RBFOX1: variants seen among roughly 807,000 people sequenced by gnomAD.
The protein encoded by RBFOX1 is RNA binding fox-1 homolog 1.
In RBFOX1, 8 loss-of-function variants were observed where a neutral mutation model predicts 57.7. The observed-to-expected ratio is 0.14, with a 90% CI of 0.08 to 0.25. RBFOX1 has a LOEUF of 0.25. Among genes scored for constraint, RBFOX1 ranks in the 10% least tolerant of loss-of-function variants. The pLI, the probability that RBFOX1 is intolerant of heterozygous loss-of-function variation, is 1.00. For missense variants in RBFOX1, 611 were observed against 548.5 expected (o/e 1.11, Z -1.14); for synonymous variants, 326 against 222.4 (o/e 1.47, Z -4.15).
rs150524550 is a variant in RBFOX1, at chr16:6,812,115, A to C, written c.-16+157465A>C. 7.5e-4 allele frequency among the ~76,000 whole-genome samples: 114 copies of C among 152,200 alleles called. 1 individual carries two copies. Among genetic ancestry groups the C allele is most frequent in the Non-Finnish European group, 1.2e-3 (82 of 68,014 alleles). On this transcript the variant is annotated intron_variant, in intron 3 of 15. Coordinates refer to ENST00000550418, the MANE Select transcript of RBFOX1 (RefSeq NM_018723.4). ...TATGATGAAGAAGCCTTCACGAGAA[A>C]CTCACTACCAAAGCAAAATCGTTTT...
At chr16:5,295,250 A>G (rs1439491565) in intron 1 of RBFOX1, among the ~76,000 whole-genome samples, 1 of 151,970 alleles carries the variant, frequency 6.6e-6, no homozygotes, top group African/African-American at 2.4e-5. Flanking sequence ...CCCTGGGGAG[A>G]CTGAGACCAG....
At chr16:5,618,589 G>A (rs940568250) in intron 3 of RBFOX1, among the ~76,000 whole-genome samples, 4 of 152,064 alleles carry the variant, frequency 2.6e-5, no homozygotes, top group Admixed American at 6.5e-5. Flanking sequence ...TGCCTGCCTC[G>A]GCCTCCCAAA....
intron 4 of RBFOX1, among the ~76,000 whole-genome samples, chr16:7,125,776 C>T (rs553071229): frequency 2.2e-4 from 34 of 151,950 alleles, no homozygotes; most frequent in African/African-American, 6.0e-4. Flanking sequence ...TGACTGCAAA[C>T]GATTAAGGTT....
intron 2 of RBFOX1, among the ~76,000 whole-genome samples, chr16:6,454,705 C>T (rs537554194): frequency 6.6e-6 from 1 of 152,030 alleles, no homozygotes; most frequent in Non-Finnish European, 1.5e-5. Flanking sequence ...GATAGAGTGA[C>T]CTTAGGAAAA....
At chr16:6,907,005 T>C (rs895521923) in intron 3 of RBFOX1, among the ~76,000 whole-genome samples, 7 of 152,190 alleles carry the variant, frequency 4.6e-5, no homozygotes, top group African/African-American at 1.7e-4. Context: ...ATTACAGGCA[T>C]GAGCCACCGC....
chr16:6,830,479 C>T (rs1567452583), intron 3 of RBFOX1, among the ~76,000 whole-genome samples: 1 of 152,102 alleles, frequency 6.6e-6, no homozygotes, highest in Non-Finnish European at 1.5e-5. Context: ...AGGATAAAAG[C>T]ATCCTCTATG....
intron 3 of RBFOX1, among the ~76,000 whole-genome samples, chr16:6,971,770 T>G (rs906665700): frequency 4.0e-5 from 6 of 151,698 alleles, no homozygotes; most frequent in Non-Finnish European, 7.4e-5. Context: ...TTAAGTGGAG[T>G]GTCCACAGTC....
At chr16:7,668,451 C>T (rs2070182036) in intron 13 of RBFOX1, among the ~76,000 whole-genome samples, 1 of 152,094 alleles carries the variant, frequency 6.6e-6, no homozygotes, top group Non-Finnish European at 1.5e-5. Context: ...GGGAAAAAAC[C>T]AGGACAGCTC....
intron 2 of RBFOX1, among the ~76,000 whole-genome samples, chr16:6,596,086 T>G (rs2097774178): frequency 6.6e-6 from 1 of 152,086 alleles, no homozygotes; most frequent in Admixed American, 6.5e-5. Context: ...CCTTTTTACT[T>G]CTTATATGGG....
intron 1 of RBFOX1, among the ~76,000 whole-genome samples, chr16:6,294,319 T>G (rs550372539): frequency 6.6e-6 from 1 of 152,366 alleles, no homozygotes; most frequent in African/African-American, 2.4e-5. Context: ...CTTATTAGAC[T>G]TGGAGACACA....
At chr16:6,256,870 G>A (rs145567993) in intron 1 of RBFOX1, among the ~76,000 whole-genome samples, 63 of 152,176 alleles carry the variant, frequency 4.1e-4, no homozygotes, top group African/African-American at 1.4e-3. Context: ...TGGATAGAAG[G>A]CATATGAAAC....
At chr16:6,585,912 A>G (rs1396548231) in intron 2 of RBFOX1, among the ~76,000 whole-genome samples, 1 of 152,230 alleles carries the variant, frequency 6.6e-6, no homozygotes, top group East Asian at 1.9e-4. Flanking sequence ...TAGAGATCAT[A>G]CGCAATTATT....
intron 4 of RBFOX1, among the ~76,000 whole-genome samples, chr16:7,294,312 C>G (rs925351524): frequency 6.6e-6 from 1 of 152,108 alleles, no homozygotes; most frequent in African/African-American, 2.4e-5. Flanking sequence ...AACGCTGCAC[C>G]TTGTCTTTGC....
At chr16:6,309,277 G>T (rs1356897844) in intron 1 of RBFOX1, among the ~76,000 whole-genome samples, 2 of 152,032 alleles carry the variant, frequency 1.3e-5, no homozygotes, top group Non-Finnish European at 2.9e-5. Context: ...ATCTCTGGCG[G>T]GTTCAAATGC....
intron 4 of RBFOX1, among the ~76,000 whole-genome samples, chr16:7,244,680 G>A (rs942712896): frequency 5.3e-5 from 8 of 152,138 alleles, no homozygotes; most frequent in Non-Finnish European, 1.2e-4. Context: ...TGCAACTTGT[G>A]GGTACTTTCC....
chr16:7,640,834 T>C (rs2062660201), intron 11 of RBFOX1, among the ~76,000 whole-genome samples: 1 of 152,130 alleles, frequency 6.6e-6, no homozygotes, highest in African/African-American at 2.4e-5. Flanking sequence ...GAGAGGCTTA[T>C]TTTGAGAGTT....
chr16:7,155,759 AC>A (rs1462274683), intron 4 of RBFOX1, among the ~76,000 whole-genome samples: 1 of 145,146 alleles, frequency 6.9e-6, no homozygotes, highest in Non-Finnish European at 1.5e-5. Context: ...ACACACACAC[AC>A]ACACATATAT....
At chr16:5,856,153 C>G (rs1412918387) in intron 3 of RBFOX1, among the ~76,000 whole-genome samples, 2 of 31,406 alleles carry the variant, frequency 6.4e-5, no homozygotes, top group Non-Finnish European at 9.4e-5. Flanking sequence ...CTTTATGGTT[C>G]TCTCTCTCTC....
chr16:5,584,731 T>C (rs2046778448), intron 2 of RBFOX1, among the ~76,000 whole-genome samples: 2 of 152,176 alleles, frequency 1.3e-5, no homozygotes, highest in Non-Finnish European at 2.9e-5. Context: ...ATGGAAGTTC[T>C]CATTGCACCG....
Sources: allele counts gnomAD v4.1 joint callset (sites outside exome capture counted in the v4.1 genomes callset), GRCh38; gene constraint gnomAD v4.1.1; transcripts MANE v1.5; gene names NCBI Gene and HGNC (gene_info 2026-07-23, HGNC 2026-07-21).